Variants in IGFBP2 observed in about 807,000 individuals in gnomAD.
IGFBP2 encodes the protein insulin like growth factor binding protein 2, also known as insulin-like growth factor-binding protein 2.
In IGFBP2, 12 loss-of-function variants were observed where a neutral mutation model predicts 26.2. The observed-to-expected ratio is 0.46, with a 90% CI of 0.29 to 0.74. The LOEUF is 0.74. Ranked by LOEUF, IGFBP2 falls within the 30% of genes least tolerant of loss-of-function variation. IGFBP2 has a pLI of 0.09. For synonymous variants in IGFBP2, 189 were observed against 200.6 expected (o/e 0.94, Z 0.49); for missense variants, 328 against 441.2 (o/e 0.74, Z 2.30).
intron 1 of IGFBP2, among the ~76,000 whole-genome samples, chr2:216,639,194 G>A (rs575052589): frequency 6.6e-6 from 1 of 151,702 alleles, no homozygotes; most frequent in African/African-American, 2.4e-5. Context: ...CACCATACAC[G>A]GTTAATATTT....
chr2:216,655,936 C>T (rs920089019), intron 1 of IGFBP2, among the ~76,000 whole-genome samples: 8 of 151,590 alleles, frequency 5.3e-5, no homozygotes, highest in African/African-American at 1.9e-4. Context: ...TATTTTATAA[C>T]TTGTTTAATA....
chr2:216,664,035 C>T lies in IGFBP2; in HGVS notation c.909C>T (p.Asp303=), dbSNP rs373291264. Residue 303 remains aspartate, a synonymous_variant, in exon 4 of 4, where the codon GAC becomes GAT. Transcript: ENST00000233809. This position sits in a 1 kb window ranked among gnomAD's most constrained non-coding sequence, Gnocchi z 4.6. ...LIQGAPTIRG[D]PECHLFYNEQ... The stretch of plus-strand genomic sequence containing the variant: ...AGGGAGCCCCCACCATCCGGGGGGA[C>T]CCCGAGTGTCATCTCTTCTACAATG... The T allele has an allele frequency of 3.7e-6, 6 of 1,613,892 alleles. No individual in the cohort carries two copies. The African/African-American group carries it at 8.0e-5, about 22-fold the overall frequency.
In IGFBP2 at chr2:216,651,479, C is replaced by T. The variant is rs146413476; in HGVS notation, c.443-9078C>T. Among the ~76,000 whole-genome samples the T allele has an allele frequency of 2.5e-3, 385 of 152,340 alleles. 3 individuals carry two copies. Among genetic ancestry groups the T allele is most frequent in the African/African-American group, 8.5e-3 (352 of 41,586 alleles). On this transcript the variant is annotated intron_variant, in intron 1 of 3. Coordinates refer to ENST00000233809, the MANE Select transcript of IGFBP2 (RefSeq NM_000597.3). ...CTGACCTCCTTCCCTTTGTCCCTCC[C>T]GCTAAATTCTGTAAACAAAGTTAAA...
rs538130828 is a variant in IGFBP2 at position 216,656,112 on chromosome 2, G to C, written c.443-4445G>C. Among the ~76,000 whole-genome samples the C allele has an allele frequency of 3.5e-4, 54 of 152,296 alleles. 1 individual carries two copies. The highest frequency in any genetic ancestry group is 1.4e-3 in the Admixed American group (21 of 15,300). On this transcript the variant is annotated intron_variant, in intron 1 of 3. Transcript: ENST00000233809. ...TTCAGGCCCGAATGCACATTTATCT[G>C]TGTGTGCCCCTCTCCTTTTTCAAAT... is the stretch of plus-strand genomic sequence containing the variant.
upstream of IGFBP2, among the ~76,000 whole-genome samples, chr2:216,633,241 G>T (rs1202515692): frequency 6.6e-6 from 1 of 152,186 alleles, no homozygotes; most frequent in South Asian, 2.1e-4. Flanking sequence ...CCCGGGAAGA[G>T]CAGGGAACCC....
chr2:216,641,278 G>T (rs1286109665), intron 1 of IGFBP2, among the ~76,000 whole-genome samples: 2 of 152,172 alleles, frequency 1.3e-5, no homozygotes, highest in African/African-American at 4.8e-5. Flanking sequence ...GAAAGGTCAG[G>T]CAGGCCACTC....
At chr2:216,657,168 C>T (rs1697936157) in intron 1 of IGFBP2, among the ~76,000 whole-genome samples, 1 of 152,132 alleles carries the variant, frequency 6.6e-6, no homozygotes, top group Non-Finnish European at 1.5e-5. Flanking sequence ...TTGCTCTCCT[C>T]CTGTGTTTTT....
intron 1 of IGFBP2, among the ~76,000 whole-genome samples, chr2:216,657,500 G>A (rs1312822238): frequency 1.3e-5 from 2 of 152,044 alleles, no homozygotes; most frequent in African/African-American, 2.4e-5. Context: ...ACCTGGTGGC[G>A]CTGAAGAAAT....
At chr2:216,639,761 G>A (rs1327414708) in intron 1 of IGFBP2, among the ~76,000 whole-genome samples, 1 of 151,978 alleles carries the variant, frequency 6.6e-6, no homozygotes, top group East Asian at 1.9e-4. Context: ...TCCTGCCTCA[G>A]CCCCCCAAGT....
chr2:216,662,462 C>T (rs779305593), intron 3 of IGFBP2: 2 of 166,900 alleles, frequency 1.2e-5, no homozygotes, highest in Non-Finnish European at 2.6e-5. Context: ...GAGTTGTCTT[C>T]ATGGTTTCGA....
At chr2:216,652,892 T>C (rs1697855589) in intron 1 of IGFBP2, among the ~76,000 whole-genome samples, 1 of 152,168 alleles carries the variant, frequency 6.6e-6, no homozygotes, top group South Asian at 2.1e-4. Context: ...GGTGAGTTCA[T>C]TGGAGGAATG....
At chr2:216,663,898 G>C in intron 3 of IGFBP2, 42 bp from the exon 4 acceptor site, 1 of 1,580,928 alleles carries the variant, frequency 6.3e-7, no homozygotes. Context: ...AAGGAAAGTT[G>C]CTGGCTGCGG....
chr2:216,655,923 C>A (rs566407374), intron 1 of IGFBP2, among the ~76,000 whole-genome samples: 2 of 151,784 alleles, frequency 1.3e-5, no homozygotes, highest in South Asian at 2.1e-4. Context: ...AATCAAAAAA[C>A]CATATTTTAT....
intron 1 of IGFBP2, among the ~76,000 whole-genome samples, chr2:216,655,465 G>A (rs1051414063): frequency 6.6e-6 from 1 of 152,168 alleles, no homozygotes; most frequent in South Asian, 2.1e-4. Context: ...TGAAGAAGGT[G>A]CCTTGCTTCC....
At chr2:216,641,106 A>C (rs1047587789) in intron 1 of IGFBP2, among the ~76,000 whole-genome samples, 1 of 152,208 alleles carries the variant, frequency 6.6e-6, no homozygotes, top group South Asian at 2.1e-4. Context: ...TTGGTAAAAT[A>C]GCAATGATTT....
chr2:216,663,903 C>T lies in IGFBP2; in HGVS notation c.814-37C>T, dbSNP rs763132788. The T allele has an allele frequency of 1.0e-5, 16 of 1,585,444 alleles. No homozygotes were observed. The South Asian group carries it at 1.5e-4, about 15-fold the overall frequency. On this transcript the variant is annotated intron_variant, in intron 3 of 3. Coordinates refer to ENST00000233809, the MANE Select transcript of IGFBP2 (RefSeq NM_000597.3). ...TGAGGGACAGAAGGAAAGTTGCTGG[C>T]TGCGGGCTCCTCCATGCTCTTCTCC...
chr2:216,645,960 C>G (rs1697702587), intron 1 of IGFBP2, among the ~76,000 whole-genome samples: 1 of 152,188 alleles, frequency 6.6e-6, no homozygotes. Context: ...TTCACTGCCT[C>G]TTAAACCTTG....
intron 1 of IGFBP2, among the ~76,000 whole-genome samples, chr2:216,643,013 C>G (rs1258610859): frequency 6.6e-6 from 1 of 152,114 alleles, no homozygotes; most frequent in Non-Finnish European, 1.5e-5. Flanking sequence ...CCAAGTGGTC[C>G]TAGCACATTT....
At chr2:216,659,673 A>G in intron 1 of IGFBP2, 1 of 1,508,382 alleles carries the variant, frequency 6.6e-7, no homozygotes, top group Non-Finnish European at 8.9e-7. Context: ...CTGTGCATAC[A>G]AAAGGTTGAA....
Sources: allele counts gnomAD v4.1 joint callset (sites outside exome capture counted in the v4.1 genomes callset), GRCh38; gene constraint gnomAD v4.1.1; non-coding constraint Gnocchi (gnomAD v3.1); transcripts MANE v1.5; gene names NCBI Gene and HGNC (gene_info 2026-07-23, HGNC 2026-07-21).